The following RYR2 variants were observed in gnomAD, a reference collection of about 807,000 sequenced individuals.
The protein encoded by RYR2 is cardiac muscle ryanodine receptor-calcium release channel.
RYR2 carries 227 observed loss-of-function variants against 601.1 expected under a neutral mutation model. The ratio of observed to expected loss-of-function variants is 0.38; its 90% confidence interval spans 0.34 to 0.42. RYR2 has a LOEUF of 0.42. Ranked by LOEUF, RYR2 falls within the 10% of genes least tolerant of loss-of-function variation. The pLI is 1.00. For missense variants in RYR2, 4,646 were observed against 6,156.5 expected (o/e 0.75, Z 8.21); for synonymous variants, 2,223 against 2,175.1 (o/e 1.02, Z -0.61).
intron 13 of RYR2, among the ~76,000 whole-genome samples, chr1:237,444,990 G>T (rs1708206340): frequency 6.6e-6 from 1 of 152,108 alleles, no homozygotes. Flanking sequence ...GTTCAATGTA[G>T]ATATGTGAAA....
intron 2 of RYR2, among the ~76,000 whole-genome samples, chr1:237,279,509 T>G (rs1572453834): frequency 6.6e-6 from 1 of 152,166 alleles, no homozygotes; most frequent in African/African-American, 2.4e-5. Flanking sequence ...ATTAATTAAA[T>G]CTCAAATTCT....
intron 17 of RYR2, among the ~76,000 whole-genome samples, chr1:237,478,738 T>C (rs1463982140): frequency 6.6e-6 from 1 of 152,078 alleles, no homozygotes; most frequent in East Asian, 1.9e-4. Context: ...CATGGTGAAA[T>C]TGTCTTTCCA....
At chr1:237,525,188 T>G (rs944618218) in intron 24 of RYR2, among the ~76,000 whole-genome samples, 5 of 152,166 alleles carry the variant, frequency 3.3e-5, no homozygotes, top group Admixed American at 1.3e-4. Flanking sequence ...GTATCCACTT[T>G]GCTTGGCCCC....
intron 1 of RYR2, among the ~76,000 whole-genome samples, chr1:237,139,847 T>C (rs1399837579): frequency 6.6e-6 from 1 of 152,236 alleles, no homozygotes; most frequent in East Asian, 1.9e-4. Flanking sequence ...ACTGAAACTA[T>C]GGTGGCTTTG....
intron 74 of RYR2, 81 bp downstream of exon 74, chr1:237,723,343 A>G: frequency 1.9e-6 from 2 of 1,073,928 alleles, no homozygotes; most frequent in Non-Finnish European, 2.8e-6. Flanking sequence ...TTAATTTGTT[A>G]ACTATGACCC....
rs1572740405 is a variant in RYR2 at position 237,530,636 on chromosome 1, T to G, written c.2906+126T>G. On this transcript the variant is annotated intron_variant, in intron 25 of 104. Transcript: ENST00000366574. ...TTTAAAATTCAGATTCAAGGCTGGG[T>G]GCGGTGGCTCACACCTTAATCCCAG... 4.0e-6 allele frequency: 3 copies of G among 752,306 alleles called. No individual in the cohort carries two copies. In the South Asian group the frequency reaches 4.8e-5, roughly 12 times the overall value. The allele number at this position is 752,306 out of a possible 1,614,324, so 46.6% of individuals were successfully genotyped here. A position where few individuals can be genotyped will look rare whatever the true frequency, so the allele number is the denominator to read the frequency against.
chr1:237,275,664 A>G (rs1393966415), intron 2 of RYR2, among the ~76,000 whole-genome samples: 2 of 152,226 alleles, frequency 1.3e-5, no homozygotes, highest in Non-Finnish European at 2.9e-5. Flanking sequence ...AAAAATAAGT[A>G]CAATGCTTAG....
At chr1:237,317,456 T>C (rs1277547071) in intron 2 of RYR2, among the ~76,000 whole-genome samples, 1 of 152,144 alleles carries the variant, frequency 6.6e-6, no homozygotes, top group Non-Finnish European at 1.5e-5. Context: ...CTATTATGAG[T>C]GTTCTTGTTT....
chr1:237,780,423 T>TAA (rs1464047392), intron 88 of RYR2, among the ~76,000 whole-genome samples: 1 of 152,222 alleles, frequency 6.6e-6, no homozygotes, highest in Non-Finnish European at 1.5e-5. Flanking sequence ...TCATGGTTTA[T>TAA]AAAGTTTCCA....
chr1:237,174,881 C>T (rs1309400378), intron 1 of RYR2, among the ~76,000 whole-genome samples: 1 of 152,068 alleles, frequency 6.6e-6, no homozygotes, highest in Non-Finnish European at 1.5e-5. Context: ...TCCACATTAA[C>T]AAAAAAGTCC....
In RYR2 at chr1:237,756,350, G is replaced by A. The variant is rs750384592; in HGVS notation, c.11208G>A (p.Ala3736=). The A allele has an allele frequency of 2.3e-5, 37 of 1,613,298 alleles. 1 individual carries two copies. The East Asian group carries it at 6.0e-4, about 26-fold the overall frequency. The change falls in exon 81 of 105, where the codon GCG becomes GCA. Residue 3736 remains alanine, a synonymous_variant. Coordinates refer to ENST00000366574, the MANE Select transcript of RYR2 (RefSeq NM_001035.3). ...YQQARLHDRG[A]AEMVLQTISA... ...AAGCCCGACTCCACGATCGTGGCGC[G>A]GCTGAGATGGTGCTACAGACAATCA...
At chr1:237,088,380 C>T (rs1394769309) in intron 1 of RYR2, among the ~76,000 whole-genome samples, 1 of 152,144 alleles carries the variant, frequency 6.6e-6, no homozygotes. Context: ...CTTTTCTTTC[C>T]TTTTTCTACT....
At chr1:237,609,472 C>A (rs1176152943) in intron 35 of RYR2, among the ~76,000 whole-genome samples, 1 of 151,740 alleles carries the variant, frequency 6.6e-6, no homozygotes, top group Non-Finnish European at 1.5e-5. Flanking sequence ...CAGGTTCAAG[C>A]AATTCTCCCA....
At chr1:237,409,167 T>C (rs1486605617) in intron 10 of RYR2, among the ~76,000 whole-genome samples, 1 of 152,124 alleles carries the variant, frequency 6.6e-6, no homozygotes, top group East Asian at 1.9e-4. Flanking sequence ...CCTTTTCTTA[T>C]GTTATTGCAT....
In RYR2 at chr1:237,409,849, A is replaced by G. The variant is rs868140051; in HGVS notation, c.774-7200A>G. ...GGCAAGGAAATCTTCAGAGCCTGGT[A>G]AACTGTTTTCTCTACTTTTAACATA... On this transcript the variant is annotated intron_variant, in intron 10 of 104. Coordinates refer to ENST00000366574, the MANE Select transcript of RYR2 (RefSeq NM_001035.3). 8.5e-5 allele frequency among the ~76,000 whole-genome samples: 13 copies of G among 152,276 alleles called. 1 individual carries two copies. Among genetic ancestry groups the G allele is most frequent in the Middle Eastern group, 6.8e-3 (2 of 294 alleles).
chr1:237,779,426 T>C (rs1322591911), intron 88 of RYR2, among the ~76,000 whole-genome samples: 1 of 152,142 alleles, frequency 6.6e-6, no homozygotes, highest in African/African-American at 2.4e-5. Context: ...TTCAATGCAG[T>C]GAATTTTGAT....
chr1:237,208,045 C>T (rs1682009649), intron 1 of RYR2, among the ~76,000 whole-genome samples: 1 of 152,234 alleles, frequency 6.6e-6, no homozygotes. Flanking sequence ...CCAGGATGAA[C>T]TGATGTTGGT....
intron 1 of RYR2, among the ~76,000 whole-genome samples, chr1:237,201,881 G>T (rs1428911748): frequency 6.6e-6 from 1 of 152,116 alleles, no homozygotes; most frequent in Non-Finnish European, 1.5e-5. Context: ...GCACCATTTG[G>T]TTCTATCTGA....
At position 237,523,734 on chromosome 1, in the gene RYR2, C is replaced by T. The variant is rs1450989225; in HGVS notation, c.2823-6693C>T. ...CCTGGGTGGCAGAGCAAGATTCTGTCTCAAAAAAAAAAAAGGCAAAAATTG... is the reference window on the plus strand; with the variant it reads ...CCTGGGTGGCAGAGCAAGATTCTGTTTCAAAAAAAAAAAAGGCAAAAATTG... On this transcript the variant is annotated intron_variant, in intron 24 of 104. Coordinates refer to ENST00000366574, the MANE Select transcript of RYR2 (RefSeq NM_001035.3). Among the ~76,000 whole-genome samples the T allele has an allele frequency of 9.4e-5, 10 of 106,904 alleles. No homozygotes were observed. In the Admixed American group the frequency reaches 9.5e-4, roughly 10 times the overall value. The allele number at this position is 106,904 out of a possible 152,430, so 70.1% of individuals were successfully genotyped here.
Sources: allele counts gnomAD v4.1 joint callset (sites outside exome capture counted in the v4.1 genomes callset), GRCh38; gene constraint gnomAD v4.1.1; transcripts MANE v1.5; gene names NCBI Gene and HGNC (gene_info 2026-07-23, HGNC 2026-07-21).